The following LEKR1 variants were observed in gnomAD, a reference collection of about 807,000 sequenced individuals.
LEKR1 encodes leucine, glutamate and lysine rich 1, also known as protein LEKR1.
In LEKR1, 59 loss-of-function variants were observed where a neutral mutation model predicts 72.4. That is an observed-to-expected ratio of 0.82 (90% confidence interval 0.66 to 1.01). The LOEUF is 1.01. Among genes scored for constraint, LEKR1 ranks in the 50% least tolerant of loss-of-function variants. The pLI, the probability that LEKR1 is intolerant of heterozygous loss-of-function variation, is 0.00. For missense variants in LEKR1, 728 were observed against 759.2 expected, an observed-to-expected ratio of 0.96 and a Z score of 0.48; for synonymous variants, 257 against 263.2, an observed-to-expected ratio of 0.98 and a Z score of 0.23.
Position 156,992,710 on chromosome 3 carries a change from A to G in LEKR1, c.885A>G (p.Glu295=), listed in dbSNP as rs762894599. The part of the protein sequence containing the change: ...CQRELKKLKF[E]SIISESQHTM... Reference sequence around the variant, plus strand: ...GAGAACTTAAAAAACTGAAGTTTGAATCCATTATTTCTGAGTCACAGTATG... The same window carrying G: ...GAGAACTTAAAAAACTGAAGTTTGAGTCCATTATTTCTGAGTCACAGTATG... The change falls in exon 8 of 13, where the codon GAA becomes GAG. Residue 295 remains glutamate (E), a synonymous_variant. Coordinates refer to ENST00000356539, the MANE Select transcript of LEKR1 (RefSeq NM_001004316.3). The G allele has an allele frequency of 4.8e-6, 5 of 1,041,262 alleles. No homozygotes were observed. Among genetic ancestry groups the G allele is most frequent in the East Asian group, 7.9e-5 (1 of 12,726 alleles). 64.5% of individuals were successfully genotyped at this position (1,041,262 alleles called of 1,614,324 possible).
At chr3:156,831,324 T>G (rs562733623) in intron 2 of LEKR1, among the ~76,000 whole-genome samples, 1 of 152,330 alleles carries the variant, frequency 6.6e-6, no homozygotes, top group South Asian at 2.1e-4. Context: ...ATTGGAATAA[T>G]GGCTCCTAGT....
At chr3:156,979,320 T>G (rs774433717) in intron 7 of LEKR1, 45 bp downstream of exon 7, 2 of 902,982 alleles carry the variant, frequency 2.2e-6, no homozygotes, top group South Asian at 2.8e-5. Context: ...GCTCTGTAGA[T>G]GTGTTACAAA....
At chr3:156,961,962 C>G (rs949062118) in intron 6 of LEKR1, among the ~76,000 whole-genome samples, 11 of 152,156 alleles carry the variant, frequency 7.2e-5, no homozygotes, top group African/African-American at 2.2e-4. Context: ...TCTTTAAATA[C>G]TACTTTAATT....
intron 5 of LEKR1, among the ~76,000 whole-genome samples, chr3:156,935,914 A>G (rs976402252): frequency 6.6e-6 from 1 of 152,232 alleles, no homozygotes; most frequent in Non-Finnish European, 1.5e-5. Flanking sequence ...TTTCTATTGG[A>G]TATGACTAGT....
At chr3:157,012,042 A>G (rs916482407) in intron 10 of LEKR1, among the ~76,000 whole-genome samples, 1 of 152,124 alleles carries the variant, frequency 6.6e-6, no homozygotes, top group African/African-American at 2.4e-5. Context: ...GGACTTTTTT[A>G]TAGTTTTCAA....
At position 156,871,178 on chromosome 3, in the gene LEKR1, T is replaced by C. The variant is rs545722894; in HGVS notation, c.263+18196T>C. Among the ~76,000 whole-genome samples, 286 of 152,134 alleles carry C rather than the reference T, an allele frequency of 1.9e-3. 2 individuals carry two copies. Among genetic ancestry groups the C allele is most frequent in the African/African-American group, 6.6e-3 (274 of 41,492 alleles). ...GTGTCCATGTGTTCTCATTGTTCAA[T>C]TCCCATCTATGAGTGAGAATATGCG... is the stretch of plus-strand genomic sequence containing the variant. On this transcript the variant is annotated intron_variant, in intron 3 of 12. Coordinates refer to ENST00000356539, the MANE Select transcript of LEKR1 (RefSeq NM_001004316.3).
intron 2 of LEKR1, among the ~76,000 whole-genome samples, chr3:156,836,057 A>G (rs1368410394): frequency 2.0e-5 from 3 of 151,474 alleles, no homozygotes; most frequent in Non-Finnish European, 4.4e-5. Context: ...TATTTTTAGT[A>G]GAGAGGGGCT....
At chr3:156,956,391 G>GC (rs1262284371) in intron 6 of LEKR1, among the ~76,000 whole-genome samples, 1 of 152,022 alleles carries the variant, frequency 6.6e-6, no homozygotes, top group Non-Finnish European at 1.5e-5. Flanking sequence ...CCTAGCCCTA[G>GC]CATATTTAAA....
At chr3:156,834,481 C>A (rs1171114157) in intron 2 of LEKR1, among the ~76,000 whole-genome samples, 1 of 152,174 alleles carries the variant, frequency 6.6e-6, no homozygotes, top group Non-Finnish European at 1.5e-5. Flanking sequence ...AAGACAAAAA[C>A]ACATTCTACT....
At chr3:156,965,354 C>G (rs750626353) in intron 6 of LEKR1, among the ~76,000 whole-genome samples, 9 of 152,006 alleles carry the variant, frequency 5.9e-5, no homozygotes, top group Non-Finnish European at 1.2e-4. Context: ...GATTAAAAAA[C>G]GCAGCAGAAA....
chr3:157,020,079 C>T (rs1733692515), intron 10 of LEKR1, among the ~76,000 whole-genome samples: 1 of 151,988 alleles, frequency 6.6e-6, no homozygotes. Flanking sequence ...ATATTTATTC[C>T]TTCCTTGTTT....
chr3:156,883,289 AC>A (rs1333114069), intron 3 of LEKR1, among the ~76,000 whole-genome samples: 8 of 152,000 alleles, frequency 5.3e-5, no homozygotes, highest in Non-Finnish European at 8.8e-5. Context: ...AAATGCCTGC[AC>A]CCCCATTGTA....
At chr3:156,992,392 A>T (rs1219009418) in intron 7 of LEKR1, among the ~76,000 whole-genome samples, 1 of 152,072 alleles carries the variant, frequency 6.6e-6, no homozygotes, top group Non-Finnish European at 1.5e-5. Flanking sequence ...ATACCTTCAC[A>T]TAGGTATTTT....
At chr3:157,041,792 T>A (rs528688107) in intron 12 of LEKR1, among the ~76,000 whole-genome samples, 9 of 152,296 alleles carry the variant, frequency 5.9e-5, no homozygotes, top group African/African-American at 2.2e-4. Context: ...CTGAACATAT[T>A]TCATCTTGCA....
At chr3:157,025,920 A>G (rs1374502198) in intron 11 of LEKR1, among the ~76,000 whole-genome samples, 2 of 151,786 alleles carry the variant, frequency 1.3e-5, no homozygotes, top group Non-Finnish European at 2.9e-5. Flanking sequence ...GTATGTTCAT[A>G]CCAGTGTATA....
In LEKR1 at chr3:156,850,564, C is replaced by G. The variant is rs1238179757; in HGVS notation, c.49-2204C>G. Among the ~76,000 whole-genome samples, 4 of 152,312 alleles carry G rather than the reference C, an allele frequency of 2.6e-5. No individual in the cohort carries two copies. In the East Asian group the frequency reaches 7.7e-4, roughly 29 times the overall value. On this transcript the variant is annotated intron_variant, in intron 2 of 12. Transcript: ENST00000356539. ...ATCTCAGCTTCTGTCTCTGTGTCTACTCATTCATGTCTCAGAATTTTAGTT... is the reference window on the plus strand; with the variant it reads ...ATCTCAGCTTCTGTCTCTGTGTCTAGTCATTCATGTCTCAGAATTTTAGTT...
intron 12 of LEKR1, among the ~76,000 whole-genome samples, chr3:157,041,937 A>G (rs1486510081): frequency 2.0e-5 from 3 of 152,246 alleles, no homozygotes; most frequent in African/African-American, 7.2e-5. Flanking sequence ...ACTAATGTGT[A>G]TACTTACTCT....
At chr3:156,927,907 G>T (rs1437280773) in intron 5 of LEKR1, among the ~76,000 whole-genome samples, 2 of 151,846 alleles carry the variant, frequency 1.3e-5, no homozygotes, top group African/African-American at 4.8e-5. Context: ...CTCATATTAG[G>T]TCAGCCTTCT....
intron 7 of LEKR1, chr3:156,988,376 A>G: frequency 4.3e-6 from 1 of 230,792 alleles, no homozygotes; most frequent in Non-Finnish European, 9.1e-6. Flanking sequence ...TTTGTTGGGG[A>G]GCTGATGATG....
Sources: allele counts gnomAD v4.1 joint callset (sites outside exome capture counted in the v4.1 genomes callset), GRCh38; gene constraint gnomAD v4.1.1; transcripts MANE v1.5; gene names NCBI Gene and HGNC (gene_info 2026-07-23, HGNC 2026-07-21).